HNRNPUL1: variants seen among roughly 807,000 people sequenced by gnomAD.
The protein encoded by HNRNPUL1 is heterogeneous nuclear ribonucleoprotein U like 1, also known as heterogeneous nuclear ribonucleoprotein U-like protein 1.
In HNRNPUL1, 14 loss-of-function variants were observed where a neutral mutation model predicts 108.5. The observed-to-expected ratio is 0.13, with a 90% CI of 0.09 to 0.20. The LOEUF (loss-of-function observed/expected upper bound fraction) is 0.20, where lower values mean the gene tolerates loss of function less well. Among genes scored for constraint, HNRNPUL1 ranks in the 10% least tolerant of loss-of-function variants. The probability of loss-of-function intolerance (pLI) is 1.00; values close to 1 mark genes in which losing one functional copy is unlikely to be tolerated. For synonymous variants in HNRNPUL1, 422 were observed against 445.2 expected, an observed-to-expected ratio of 0.95 and a Z score of 0.66; for missense variants, 804 against 1,168.3, an observed-to-expected ratio of 0.69 and a Z score of 4.55.
intron 7 of HNRNPUL1, among the ~76,000 whole-genome samples, chr19:41,288,888 C>T (rs1314104363): frequency 6.6e-6 from 1 of 152,108 alleles, no homozygotes; most frequent in African/African-American, 2.4e-5. Flanking sequence ...TTAGCCACTC[C>T]TACTTCCCCA....
intron 5 of HNRNPUL1, among the ~76,000 whole-genome samples, chr19:41,276,966 C>T (rs1027972912): frequency 3.3e-5 from 5 of 151,944 alleles, no homozygotes; most frequent in Non-Finnish European, 5.9e-5. Flanking sequence ...GGCATGGTGG[C>T]GGGTGCCTGC....
chr19:41,264,576 C>G lies in HNRNPUL1; in HGVS notation c.73C>G (p.Leu25Val). ...LQRRGLDTRG[L>V]KAELAERLQA... Reference sequence around the variant, plus strand: ...GCGCCGCGGCCTGGACACTCGAGGCCTCAAGGCCGAGCTTGCTGAGCGGCT... The same window carrying G: ...GCGCCGCGGCCTGGACACTCGAGGCGTCAAGGCCGAGCTTGCTGAGCGGCT... Residue 25 changes from leucine to valine, a missense_variant, in exon 1 of 15, where the codon CTC becomes GTC. By Grantham distance (32) the Leu-to-Val change is conservative. Transcript: ENST00000392006. 1 of 1,565,372 alleles carries G rather than the reference C, an allele frequency of 6.4e-7. No individual in the cohort carries two copies. Among genetic ancestry groups the G allele is most frequent in the Non-Finnish European group, 8.6e-7 (1 of 1,163,316 alleles).
intron 7 of HNRNPUL1, among the ~76,000 whole-genome samples, chr19:41,288,416 G>A (rs2036379368): frequency 6.6e-6 from 1 of 151,844 alleles, no homozygotes; most frequent in Admixed American, 6.6e-5. Context: ...GGCTAATTTT[G>A]TAGTTTTAGT....
At chr19:41,279,239 A>AAGGGT in intron 6 of HNRNPUL1, 63 bp downstream of exon 6, 1 of 1,136,840 alleles carries the variant, frequency 8.8e-7, no homozygotes, top group Non-Finnish European at 1.3e-6. Flanking sequence ...TTGGATTTTC[A>AAGGGT]AGGCTCCTAA....
intron 7 of HNRNPUL1, among the ~76,000 whole-genome samples, chr19:41,290,900 C>T (rs1419224707): frequency 6.6e-6 from 1 of 152,068 alleles, no homozygotes; most frequent in Non-Finnish European, 1.5e-5. Context: ...ACTAAAAATA[C>T]AAAATTAGCC....
intron 10 of HNRNPUL1, among the ~76,000 whole-genome samples, chr19:41,296,317 G>A (rs2036892948): frequency 6.6e-6 from 1 of 152,186 alleles, no homozygotes; most frequent in Non-Finnish European, 1.5e-5. Flanking sequence ...CAGCCTTCTT[G>A]GCTGCTGCTG....
intron 11 of HNRNPUL1, 44 bp from the exon 12 acceptor site, chr19:41,302,621 G>T: frequency 6.2e-7 from 1 of 1,612,618 alleles, no homozygotes; most frequent in South Asian, 1.1e-5. Flanking sequence ...AGAAGGTACT[G>T]ACCTCTTCTT....
intron 6 of HNRNPUL1, 72 bp downstream of exon 6, chr19:41,279,248 A>G: frequency 9.4e-7 from 1 of 1,062,456 alleles, no homozygotes; most frequent in Non-Finnish European, 1.4e-6. Context: ...CAAGGCTCCT[A>G]AGCTTCCTTT....
rs375379741 is a variant in HNRNPUL1 at position 41,294,697 on chromosome 19, A to C, written c.1518+11A>C. On this transcript the variant is annotated intron_variant, in intron 10 of 14. Coordinates refer to ENST00000392006, the MANE Select transcript of HNRNPUL1 (RefSeq NM_007040.6). This position sits in a 1 kb window ranked among gnomAD's most constrained non-coding sequence, Gnocchi z 4.3. ...TATATCCTAGATCAGGTACTTAATGATGACCATTGTGTCCTCAGGAGAAGG... is the reference window on the plus strand; with the variant it reads ...TATATCCTAGATCAGGTACTTAATGCTGACCATTGTGTCCTCAGGAGAAGG... The C allele has an allele frequency of 7.4e-6, 12 of 1,613,928 alleles. No individual in the cohort carries two copies. The highest frequency in any genetic ancestry group is 1.0e-5 in the Non-Finnish European group (12 of 1,180,014).
intron 7 of HNRNPUL1, among the ~76,000 whole-genome samples, chr19:41,281,534 G>A (rs941249007): frequency 2.0e-5 from 3 of 151,922 alleles, no homozygotes; most frequent in African/African-American, 7.3e-5. Flanking sequence ...GCCTTCCTCC[G>A]TTCCTAGGTA....
chr19:41,290,294 T>TCGG (rs2122780866), intron 7 of HNRNPUL1, among the ~76,000 whole-genome samples: 1 of 152,226 alleles, frequency 6.6e-6, no homozygotes, highest in East Asian at 1.9e-4. Flanking sequence ...AGAAAAATAT[T>TCGG]TAACAAACGT....
chr19:41,294,111 C>G lies in HNRNPUL1; in HGVS notation c.1267-227C>G, dbSNP rs2036748324. ...TATAGGCGTGAGCTACCGTGCCTGG[C>G]CAGCACTTGACTTAATGCTCACCCT... On this transcript the variant is annotated intron_variant, in intron 8 of 14. Transcript: ENST00000392006. The surrounding 1 kb of genome is among the most constrained non-coding windows in gnomAD (Gnocchi z 4.3). Among the ~76,000 whole-genome samples the G allele has an allele frequency of 6.6e-6, 1 of 152,172 alleles. No individual in the cohort carries two copies. Among genetic ancestry groups the G allele is most frequent in the African/African-American group, 2.4e-5 (1 of 41,436 alleles).
intron 14 of HNRNPUL1, 131 bp downstream of exon 14, chr19:41,305,998 G>A: frequency 1.5e-6 from 1 of 652,956 alleles, no homozygotes; most frequent in African/African-American, 1.8e-5. Flanking sequence ...GCGTTCATCT[G>A]GTGCAGCCAT....
chr19:41,289,782 G>A (rs991043006), intron 7 of HNRNPUL1, among the ~76,000 whole-genome samples: 2 of 141,870 alleles, frequency 1.4e-5, no homozygotes, highest in African/African-American at 5.4e-5. Flanking sequence ...ACATGATCTC[G>A]GCTCACTGCA....
chr19:41,263,320 T>G (rs1024947650), upstream of HNRNPUL1, among the ~76,000 whole-genome samples: 3 of 152,174 alleles, frequency 2.0e-5, no homozygotes, highest in Non-Finnish European at 4.4e-5. Flanking sequence ...GCGCGAAGGT[T>G]AATGACGGAT....
intron 7 of HNRNPUL1, among the ~76,000 whole-genome samples, chr19:41,288,219 T>TA (rs1459394562): frequency 6.7e-6 from 1 of 148,570 alleles, no homozygotes; most frequent in Non-Finnish European, 1.5e-5. Flanking sequence ...TTTTTTTTTT[T>TA]AACTTGTATG....
chr19:41,299,304 G>A (rs1295497819), intron 10 of HNRNPUL1, among the ~76,000 whole-genome samples: 5 of 152,126 alleles, frequency 3.3e-5, no homozygotes, highest in Admixed American at 6.5e-5. Flanking sequence ...TTCCTGGCGC[G>A]TGTTTCAGGG....
intron 4 of HNRNPUL1, among the ~76,000 whole-genome samples, chr19:41,275,915 C>T (rs1374874234): frequency 6.6e-6 from 1 of 152,242 alleles, no homozygotes; most frequent in Admixed American, 6.5e-5. Flanking sequence ...CCAGCCTGGC[C>T]AACATGGAGA....
Position 41,302,739 on chromosome 19 carries a change from G to T in HNRNPUL1, c.1762G>T (p.Asp588Tyr). Residue 588 changes from aspartate to tyrosine, a missense_variant, in exon 12 of 15, where the codon GAC (aspartate) becomes TAC (tyrosine). By Grantham distance (160) the Asp-to-Tyr change is radical. Coordinates refer to ENST00000392006, the MANE Select transcript of HNRNPUL1 (RefSeq NM_007040.6). The stretch of plus-strand genomic sequence containing the variant: ...CATTGAGCTGCAGCGGGAGGAAGCG[G>T]ACAAGCTAGTGAGGCAGTACAACGA... ...LFIELQREEADKLVRQYNEEG... is the reference protein window; with the variant it reads ...LFIELQREEAYKLVRQYNEEG... 1 of 1,614,180 alleles carries T rather than the reference G, an allele frequency of 6.2e-7. No homozygotes were observed. Among genetic ancestry groups the T allele is most frequent in the Non-Finnish European group, 8.5e-7 (1 of 1,180,024 alleles).
Sources: allele counts gnomAD v4.1 joint callset (sites outside exome capture counted in the v4.1 genomes callset), GRCh38; gene constraint gnomAD v4.1.1; non-coding constraint Gnocchi (gnomAD v3.1); transcripts MANE v1.5; gene names NCBI Gene and HGNC (gene_info 2026-07-23, HGNC 2026-07-21).